PDZRN4: variants seen among roughly 807,000 people sequenced by gnomAD.
PDZRN4 encodes the protein PDZ domain-containing RING finger protein 4.
In PDZRN4, 70 loss-of-function variants were observed where a neutral mutation model predicts 99.0. That is an observed-to-expected ratio of 0.71 (90% CI 0.58 to 0.86). PDZRN4 has a LOEUF of 0.86. Among genes scored for constraint, PDZRN4 ranks in the 40% least tolerant of loss-of-function variants. The pLI, the probability that PDZRN4 is intolerant of heterozygous loss-of-function variation, is 0.00. For synonymous variants in PDZRN4, 551 were observed against 501.6 expected (o/e 1.10, Z -1.32); for missense variants, 1,474 against 1,331.2 (o/e 1.11, Z -1.67).
At chr12:41,336,246 G>A (rs976146919) in intron 3 of PDZRN4, among the ~76,000 whole-genome samples, 1 of 152,234 alleles carries the variant, frequency 6.6e-6, no homozygotes, top group Non-Finnish European at 1.5e-5. Flanking sequence ...AATAAAGAGA[G>A]GTTGCTAAGT....
chr12:41,537,886 C>A (rs1938776649), intron 5 of PDZRN4, among the ~76,000 whole-genome samples: 1 of 152,088 alleles, frequency 6.6e-6, no homozygotes, highest in South Asian at 2.1e-4. Flanking sequence ...TCACTAAGAC[C>A]AACCCGCTCA....
chr12:41,311,958 C>T (rs562868861), intron 3 of PDZRN4, among the ~76,000 whole-genome samples: 8 of 152,160 alleles, frequency 5.3e-5, no homozygotes, highest in African/African-American at 9.6e-5. Flanking sequence ...TTCAAAACAA[C>T]GTTCATCGCT....
intron 5 of PDZRN4, among the ~76,000 whole-genome samples, chr12:41,546,653 C>CA (rs112035516): frequency 0.016 from 2,473 of 151,368 alleles, 69 homozygotes; most frequent in African/African-American, 0.057. Context: ...TTTTAAAAGC[C>CA]AAAAAAAAGA....
At chr12:41,480,990 A>G (rs1937664274) in intron 3 of PDZRN4, among the ~76,000 whole-genome samples, 1 of 151,388 alleles carries the variant, frequency 6.6e-6, no homozygotes, top group Non-Finnish European at 1.5e-5. Flanking sequence ...TTTTTCTAAT[A>G]GGCTATATTT....
At chr12:41,220,325 A>T (rs1186730119) in intron 3 of PDZRN4, among the ~76,000 whole-genome samples, 1 of 152,006 alleles carries the variant, frequency 6.6e-6, no homozygotes, top group African/African-American at 2.4e-5. Flanking sequence ...TCTGTGCCCT[A>T]ATCTCTTCTT....
At chr12:41,197,583 C>T (rs1396660301) in intron 3 of PDZRN4, among the ~76,000 whole-genome samples, 1 of 152,144 alleles carries the variant, frequency 6.6e-6, no homozygotes, top group Non-Finnish European at 1.5e-5. Context: ...CAAAATATCA[C>T]TGGAGACTGA....
At chr12:41,289,421 CAGAAAAAT>C (rs1261116416) in intron 3 of PDZRN4, among the ~76,000 whole-genome samples, 16 of 152,036 alleles carry the variant, frequency 1.1e-4, no homozygotes, top group Non-Finnish European at 2.4e-4. Flanking sequence ...TGAACTAGTC[CAGAAAAAT>C]ATATGGATTG....
intron 3 of PDZRN4, among the ~76,000 whole-genome samples, chr12:41,326,100 T>C (rs1165072880): frequency 1.3e-5 from 2 of 151,928 alleles, no homozygotes; most frequent in African/African-American, 2.4e-5. Flanking sequence ...CCTCCCACCT[T>C]GGCCTCCTGA....
intron 5 of PDZRN4, among the ~76,000 whole-genome samples, chr12:41,528,336 G>C (rs1403929828): frequency 6.6e-6 from 1 of 152,106 alleles, no homozygotes; most frequent in Non-Finnish European, 1.5e-5. Flanking sequence ...AAGTCTCAGA[G>C]GACCCTCCAG....
At chr12:41,331,096 A>G (rs1951738806) in intron 3 of PDZRN4, among the ~76,000 whole-genome samples, 1 of 152,156 alleles carries the variant, frequency 6.6e-6, no homozygotes, top group African/African-American at 2.4e-5. Context: ...AATTCGTCCA[A>G]TTGATTTTAG....
intron 3 of PDZRN4, among the ~76,000 whole-genome samples, chr12:41,414,079 G>T (rs1053500631): frequency 6.6e-6 from 1 of 151,660 alleles, no homozygotes; most frequent in Non-Finnish European, 1.5e-5. Flanking sequence ...ACTTAGTTTG[G>T]CAGGGTATGA....
At chr12:41,469,077 G>T (rs1387402644) in intron 3 of PDZRN4, among the ~76,000 whole-genome samples, 10 of 152,044 alleles carry the variant, frequency 6.6e-5, no homozygotes, top group African/African-American at 2.2e-4. Context: ...TTTCTCAGGA[G>T]GTTACTGTGT....
intron 1 of PDZRN4, among the ~76,000 whole-genome samples, chr12:41,190,239 G>A (rs943297882): frequency 2.0e-5 from 3 of 152,230 alleles, no homozygotes; most frequent in African/African-American, 7.2e-5. Context: ...GAAAATTGAA[G>A]TGAGAGGGAC....
intron 3 of PDZRN4, among the ~76,000 whole-genome samples, chr12:41,196,087 G>T (rs1950770153): frequency 6.6e-6 from 1 of 151,834 alleles, no homozygotes; most frequent in East Asian, 1.9e-4. Context: ...ACAACAATTT[G>T]GTTACAAACC....
At chr12:41,519,812 T>C (rs1405735589) in intron 5 of PDZRN4, among the ~76,000 whole-genome samples, 1 of 152,096 alleles carries the variant, frequency 6.6e-6, no homozygotes, top group Non-Finnish European at 1.5e-5. Flanking sequence ...AAATTGATAC[T>C]CCAGGAAGAT....
At chr12:41,421,058 T>A (rs1274565594) in intron 3 of PDZRN4, among the ~76,000 whole-genome samples, 22 of 152,218 alleles carry the variant, frequency 1.4e-4, no homozygotes, top group Non-Finnish European at 3.1e-4. Context: ...GCCAATCATT[T>A]GGCAAAACCT....
At chr12:41,284,241 T>A (rs1264485814) in intron 3 of PDZRN4, among the ~76,000 whole-genome samples, 1 of 152,180 alleles carries the variant, frequency 6.6e-6, no homozygotes, top group Non-Finnish European at 1.5e-5. Context: ...AGCCAAATCA[T>A]GAGCAAACTC....
intron 9 of PDZRN4, among the ~76,000 whole-genome samples, chr12:41,570,295 G>C (rs938338569): frequency 6.6e-6 from 1 of 152,140 alleles, no homozygotes; most frequent in Non-Finnish European, 1.5e-5. Flanking sequence ...AACATTGCCT[G>C]TCACTATAAT....
chr12:41,189,078 G>A lies in PDZRN4; in HGVS notation c.623G>A (p.Gly208Asp). The change falls in exon 1 of 10, where the codon GGC (glycine) becomes GAC (aspartate). Residue 208 changes from glycine to aspartate, a missense_variant. By Grantham distance (94) the Gly-to-Asp change is moderately conservative. Transcript: ENST00000402685. ...QYMAHVRNFV[G>D]DLGGGHRRDG... ...ATGGCTCACGTCCGCAACTTCGTCG[G>A]CGACCTCGGTGGCGGCCACCGCAGG... 1 of 1,581,640 alleles carries A rather than the reference G, an allele frequency of 6.3e-7. No homozygotes were observed. Among genetic ancestry groups the A allele is most frequent in the Non-Finnish European group, 8.5e-7 (1 of 1,172,130 alleles).
Sources: gnomAD v4.1 joint callset for allele counts (sites outside exome capture counted in the v4.1 genomes callset) on GRCh38, gnomAD v4.1.1 for gene constraint, MANE v1.5 for transcripts, NCBI Gene and HGNC (gene_info 2026-07-23, HGNC 2026-07-21) for gene names.